PRKAG2: variants seen among roughly 807,000 people sequenced by gnomAD.
PRKAG2 encodes the protein protein kinase AMP-activated non-catalytic subunit gamma 2, also known as 5'-AMP-activated protein kinase subunit gamma-2.
A neutral mutation model predicts 69.6 loss-of-function variants in PRKAG2; 26 were observed. The ratio of observed to expected loss-of-function variants is 0.37; its 90% CI spans 0.27 to 0.52. The LOEUF is 0.52. Ranked by LOEUF, PRKAG2 falls within the 20% of genes least tolerant of loss-of-function variation. PRKAG2 has a pLI of 0.90. For synonymous variants in PRKAG2, 293 were observed against 285.0 expected, an observed-to-expected ratio of 1.03 and a Z score of -0.28; for missense variants, 557 against 740.0, an observed-to-expected ratio of 0.75 and a Z score of 2.87.
intron 3 of PRKAG2, among the ~76,000 whole-genome samples, chr7:151,731,833 T>G (rs893121164): frequency 6.6e-6 from 1 of 152,126 alleles, no homozygotes; most frequent in Non-Finnish European, 1.5e-5. Flanking sequence ...AGAGGCCTCA[T>G]CTAAGATTTT....
chr7:151,789,732 T>TG (rs1191843971), intron 1 of PRKAG2, among the ~76,000 whole-genome samples: 8 of 152,122 alleles, frequency 5.3e-5, no homozygotes, highest in African/African-American at 1.7e-4. Flanking sequence ...CTGGGGAGCA[T>TG]GGGTAGAGTG....
intron 4 of PRKAG2, among the ~76,000 whole-genome samples, chr7:151,666,758 T>C (rs987005881): frequency 5.9e-5 from 9 of 152,176 alleles, no homozygotes; most frequent in African/African-American, 2.2e-4. Flanking sequence ...AACTTCTTCA[T>C]TCAGTCCTAA....
intron 6 of PRKAG2, among the ~76,000 whole-genome samples, chr7:151,578,527 A>G (rs751128936): frequency 1.3e-5 from 2 of 152,224 alleles, no homozygotes; most frequent in Admixed American, 6.5e-5. Flanking sequence ...TAGTTCACCT[A>G]CACAAGAATA....
At chr7:151,843,244 A>C (rs1012979632) in intron 1 of PRKAG2, among the ~76,000 whole-genome samples, 2 of 152,162 alleles carry the variant, frequency 1.3e-5, no homozygotes, top group Non-Finnish European at 2.9e-5. Context: ...ACCTGGAACA[A>C]AGCTGCATAT....
rs186592808 is a variant in PRKAG2 at position 151,807,939 on chromosome 7, G to A, written c.115-21398C>T. 2.6e-5 allele frequency among the ~76,000 whole-genome samples: 4 copies of A among 152,302 alleles called. No homozygotes were observed. Among genetic ancestry groups the A allele is most frequent in the African/African-American group, 7.2e-5 (3 of 41,560 alleles). ...GACGCTAGACTCAAGGGAAGGCTCT[G>A]GAGGAAGGAAGAGGCTAAAGGCATA... On this transcript the variant is annotated intron_variant, in intron 1 of 15. Coordinates refer to ENST00000287878, the MANE Select transcript of PRKAG2 (RefSeq NM_016203.4). The surrounding 1 kb of genome is among the most constrained non-coding windows in gnomAD (Gnocchi z 4.4).
chr7:151,662,692 G>A (rs1446176349), intron 4 of PRKAG2, among the ~76,000 whole-genome samples: 1 of 152,150 alleles, frequency 6.6e-6, no homozygotes, highest in Non-Finnish European at 1.5e-5. Context: ...CTTGAGCCCA[G>A]AAGTTCAAGA....
At chr7:151,774,858 A>G (rs961116818) in intron 3 of PRKAG2, among the ~76,000 whole-genome samples, 1 of 152,240 alleles carries the variant, frequency 6.6e-6, no homozygotes, top group African/African-American at 2.4e-5. Context: ...GCTCTGGTGT[A>G]TATCAGTATT....
chr7:151,860,549 AGAGCACG>A (rs2151905750), intron 1 of PRKAG2, among the ~76,000 whole-genome samples: 1 of 152,258 alleles, frequency 6.6e-6, no homozygotes, highest in South Asian at 2.1e-4. Context: ...ACAGAGAGAG[AGAGCACG>A]GCCCCCAGCT....
intron 5 of PRKAG2, among the ~76,000 whole-genome samples, chr7:151,597,815 A>AG (rs1318545166): frequency 9.3e-6 from 1 of 107,132 alleles, no homozygotes; most frequent in African/African-American, 3.0e-5. Flanking sequence ...TGTGGACAAA[A>AG]GGGAGCCCCC....
intron 5 of PRKAG2, among the ~76,000 whole-genome samples, chr7:151,611,552 T>A (rs1169480214): frequency 6.6e-6 from 1 of 152,120 alleles, no homozygotes; most frequent in African/African-American, 2.4e-5. Context: ...GCCAGGTTAG[T>A]GAGCACAGAC....
At chr7:151,749,355 C>A (rs373276892) in intron 3 of PRKAG2, among the ~76,000 whole-genome samples, 1 of 152,196 alleles carries the variant, frequency 6.6e-6, no homozygotes. Context: ...GAACTGTAGT[C>A]CCCGGTATCC....
chr7:151,592,269 G>A (rs1420453541), intron 6 of PRKAG2, among the ~76,000 whole-genome samples: 1 of 152,232 alleles, frequency 6.6e-6, no homozygotes, highest in African/African-American at 2.4e-5. Flanking sequence ...AGGACAGTGG[G>A]GATTACATCC....
chr7:151,769,002 T>C (rs1006760277), intron 3 of PRKAG2, among the ~76,000 whole-genome samples: 2 of 152,188 alleles, frequency 1.3e-5, no homozygotes, highest in East Asian at 3.8e-4. Context: ...CCTGAGATGC[T>C]CCAAAGCTCC....
intron 3 of PRKAG2, among the ~76,000 whole-genome samples, chr7:151,770,189 C>T (rs2075953141): frequency 6.6e-6 from 1 of 152,192 alleles, no homozygotes. Flanking sequence ...ACACAACCGA[C>T]CAGCATTCCT....
chr7:151,626,156 C>T (rs1822849016), intron 5 of PRKAG2, among the ~76,000 whole-genome samples: 1 of 152,148 alleles, frequency 6.6e-6, no homozygotes, highest in African/African-American at 2.4e-5. Flanking sequence ...CAGCTGGTTC[C>T]AGTTACTTGC....
At chr7:151,722,012 G>C (rs1367374239) in intron 3 of PRKAG2, among the ~76,000 whole-genome samples, 3 of 152,252 alleles carry the variant, frequency 2.0e-5, no homozygotes, top group African/African-American at 2.4e-5. Flanking sequence ...TTCCTCAAGC[G>C]TGGCTGTGGC....
intron 5 of PRKAG2, among the ~76,000 whole-genome samples, chr7:151,604,657 T>C (rs2058500): frequency 0.043 from 6,558 of 151,372 alleles, 454 homozygotes; most frequent in African/African-American, 0.15. Context: ...CACACACACA[T>C]ACACACACAC....
chr7:151,834,634 A>G lies in PRKAG2; in HGVS notation c.114+41873T>C, dbSNP rs528513818. 1.7e-4 allele frequency among the ~76,000 whole-genome samples: 26 copies of G among 152,326 alleles called. 1 individual carries two copies. The South Asian group carries it at 5.2e-3, about 30-fold the overall frequency. ...CCCAGCACTACCCCTACTTGCTGGA[A>G]TGTGGACCATCTGGGGTCGGAAGGG... On this transcript the variant is annotated intron_variant, in intron 1 of 15. Transcript: ENST00000287878.
At chr7:151,701,677 A>G in intron 3 of PRKAG2, among the ~76,000 whole-genome samples, 1 of 152,064 alleles carries the variant, frequency 6.6e-6, no homozygotes, top group Non-Finnish European at 1.5e-5. Context: ...CCCCATCTCT[A>G]CTAAAAATAC....
Sources: allele counts gnomAD v4.1 joint callset (sites outside exome capture counted in the v4.1 genomes callset), GRCh38; gene constraint gnomAD v4.1.1; non-coding constraint Gnocchi (gnomAD v3.1); transcripts MANE v1.5; gene names NCBI Gene and HGNC (gene_info 2026-07-23, HGNC 2026-07-21).